Variants in KLHL1 observed in about 807,000 individuals in gnomAD.
The protein encoded by KLHL1 is kelch-like protein 1.
KLHL1 carries 47 observed loss-of-function variants against 77.7 expected under a neutral mutation model. The observed-to-expected ratio is 0.60, with a 90% CI of 0.48 to 0.77. The LOEUF (loss-of-function observed/expected upper bound fraction) is 0.77. Among genes scored for constraint, KLHL1 ranks in the 30% least tolerant of loss-of-function variants. The pLI, the probability that KLHL1 is intolerant of heterozygous loss-of-function variation, is 0.00. For missense variants in KLHL1, 925 were observed against 910.8 expected (o/e 1.02, Z -0.20); for synonymous variants, 360 against 325.2 (o/e 1.11, Z -1.15).
At position 70,107,276 on chromosome 13, in the gene KLHL1, CT is replaced by C; in HGVS notation, c.423del (p.Leu143TrpfsTer32). ...ACTTTGAGCTCTTGCAGAACCAGCC[CT>C]TTTTCGTGTGGTCCAGGAAAGTCCA... ...PGMDFPGPHE[K>X]GLVLQELKVE... On this transcript the variant is annotated frameshift_variant, in exon 1 of 11. Coordinates refer to ENST00000377844, the MANE Select transcript of KLHL1 (RefSeq NM_020866.3). LOFTEE classifies it high-confidence loss of function. 6.2e-7 allele frequency: 1 copy of C among 1,614,104 alleles called. No individual in the cohort carries two copies. The highest frequency in any genetic ancestry group is 8.5e-7 in the Non-Finnish European group (1 of 1,180,006).
intron 4 of KLHL1, among the ~76,000 whole-genome samples, chr13:69,934,714 C>G (rs1487874256): frequency 6.6e-6 from 1 of 151,438 alleles, no homozygotes; most frequent in Non-Finnish European, 1.5e-5. Context: ...TCTTGTCCCT[C>G]TCCACCATCC....
intron 3 of KLHL1, among the ~76,000 whole-genome samples, chr13:69,956,568 G>A (rs944382854): frequency 2.0e-5 from 3 of 151,356 alleles, no homozygotes; most frequent in African/African-American, 2.4e-5. Context: ...CAAGGAACTC[G>A]TATCATAACT....
chr13:69,767,983 A>G (rs1875387292), intron 7 of KLHL1, among the ~76,000 whole-genome samples: 1 of 152,338 alleles, frequency 6.6e-6, no homozygotes, highest in Admixed American at 6.5e-5. Context: ...TTTGTAAAGT[A>G]CTATATTTAC....
chr13:69,744,659 C>G (rs372088670), intron 7 of KLHL1, among the ~76,000 whole-genome samples: 24 of 150,688 alleles, frequency 1.6e-4, no homozygotes, highest in South Asian at 6.3e-4. Flanking sequence ...GAAAGGTACA[C>G]CCCCCCCAAA....
chr13:69,934,321 T>C (rs933155533), intron 4 of KLHL1, among the ~76,000 whole-genome samples: 2 of 152,150 alleles, frequency 1.3e-5, no homozygotes, highest in African/African-American at 4.8e-5. Flanking sequence ...AATATGTGGA[T>C]GTGAGTATAT....
chr13:69,874,127 G>A (rs370074989), intron 5 of KLHL1, among the ~76,000 whole-genome samples: 2 of 152,000 alleles, frequency 1.3e-5, no homozygotes, highest in South Asian at 2.1e-4. Flanking sequence ...GTACTCATAC[G>A]AATAACAAAA....
chr13:70,079,178 A>G (rs2137427879), intron 1 of KLHL1, among the ~76,000 whole-genome samples: 1 of 152,292 alleles, frequency 6.6e-6, no homozygotes, highest in East Asian at 1.9e-4. Flanking sequence ...GGTAGGTTCA[A>G]TATCTTCAGT....
intron 8 of KLHL1, among the ~76,000 whole-genome samples, chr13:69,732,768 C>T (rs1368147801): frequency 6.6e-6 from 1 of 151,932 alleles, no homozygotes; most frequent in African/African-American, 2.4e-5. Flanking sequence ...TTCTAAGACA[C>T]GCCATCGGCT....
At chr13:70,077,776 T>C (rs910115456) in intron 1 of KLHL1, among the ~76,000 whole-genome samples, 1 of 152,026 alleles carries the variant, frequency 6.6e-6, no homozygotes, top group Non-Finnish European at 1.5e-5. Context: ...TCAAAATTGA[T>C]AATGAGCTGA....
chr13:69,896,957 A>T (rs1361735730), intron 4 of KLHL1, among the ~76,000 whole-genome samples: 1 of 152,166 alleles, frequency 6.6e-6, no homozygotes, highest in Non-Finnish European at 1.5e-5. Flanking sequence ...GGTGTGAGCC[A>T]CTGTGCCCGG....
chr13:69,952,374 A>G (rs149857515), intron 3 of KLHL1, among the ~76,000 whole-genome samples: 3 of 151,312 alleles, frequency 2.0e-5, no homozygotes, highest in Admixed American at 1.3e-4. Context: ...TTCTTGTAAG[A>G]CTGAATCCCA....
chr13:70,001,691 A>ATCTG (rs1335657283), intron 1 of KLHL1, among the ~76,000 whole-genome samples: 5 of 150,242 alleles, frequency 3.3e-5, no homozygotes, highest in African/African-American at 9.8e-5. Flanking sequence ...CTATCTATCT[A>ATCTG]TCTATCATCT....
chr13:70,094,318 C>T (rs1887737104), intron 1 of KLHL1, among the ~76,000 whole-genome samples: 1 of 149,118 alleles, frequency 6.7e-6, no homozygotes, highest in Non-Finnish European at 1.5e-5. Flanking sequence ...GAGTGAGAAC[C>T]CAACTCTCAG....
intron 3 of KLHL1, among the ~76,000 whole-genome samples, chr13:69,961,098 T>A (rs979537876): frequency 4.6e-5 from 7 of 152,050 alleles, no homozygotes; most frequent in Non-Finnish European, 1.0e-4. Flanking sequence ...CCAGTTTAAA[T>A]CATTTGTGGA....
intron 1 of KLHL1, among the ~76,000 whole-genome samples, chr13:69,989,140 A>C (rs1221068733): frequency 6.6e-6 from 1 of 151,994 alleles, no homozygotes; most frequent in Non-Finnish European, 1.5e-5. Context: ...TTTTGTATAT[A>C]GTGTAAGGAA....
intron 1 of KLHL1, among the ~76,000 whole-genome samples, chr13:70,025,212 GTAAA>G (rs896608431): frequency 1.1e-4 from 17 of 151,856 alleles, no homozygotes; most frequent in African/African-American, 3.1e-4. Context: ...GTATACAGTG[GTAAA>G]TAAATGTTTT....
At chr13:70,078,776 T>A (rs1161070612) in intron 1 of KLHL1, among the ~76,000 whole-genome samples, 1 of 152,138 alleles carries the variant, frequency 6.6e-6, no homozygotes, top group Non-Finnish European at 1.5e-5. Flanking sequence ...TAAATATATT[T>A]CAAATGGAAT....
chr13:69,934,962 G>GTATATATATATATA lies in KLHL1; in HGVS notation c.1014+5064_1014+5077dup, dbSNP rs67195697. 5.8e-3 allele frequency among the ~76,000 whole-genome samples: 748 copies of GTATATATATATATA among 129,636 alleles called. 16 individuals carry two copies. The highest frequency in any genetic ancestry group is 0.019 in the East Asian group (70 of 3,746). The allele number at this position is 129,636 out of a possible 152,430, so 85.0% of individuals were successfully genotyped here. A position where few individuals can be genotyped will look rare whatever the true frequency, so the allele number is the denominator to read the frequency against. On this transcript the variant is annotated intron_variant, in intron 4 of 10. Coordinates refer to ENST00000377844, the MANE Select transcript of KLHL1 (RefSeq NM_020866.3). ...AAATTTACCGTGTGTGTGTGCATGT[G>GTATATATATATATA]TATATATATATATATATATATATAT...
At chr13:69,706,452 C>T (rs941977603) in intron 10 of KLHL1, among the ~76,000 whole-genome samples, 1 of 151,800 alleles carries the variant, frequency 6.6e-6, no homozygotes, top group Non-Finnish European at 1.5e-5. Context: ...CTTGCAAAAT[C>T]AAGGAAATCA....
Sources: gnomAD v4.1 joint callset for allele counts (sites outside exome capture counted in the v4.1 genomes callset) on GRCh38, gnomAD v4.1.1 for gene constraint, MANE v1.5 for transcripts, NCBI Gene and HGNC (gene_info 2026-07-23, HGNC 2026-07-21) for gene names.